MEIS2: variants seen among roughly 807,000 people sequenced by gnomAD.
The protein encoded by MEIS2 is Meis homeobox 2.
In MEIS2, 9 loss-of-function variants were observed where a neutral mutation model predicts 58.6. The observed-to-expected ratio is 0.15, with a 90% CI of 0.09 to 0.27. MEIS2 has a LOEUF of 0.27. Among genes scored for constraint, MEIS2 ranks in the 10% least tolerant of loss-of-function variants. The pLI is 1.00. For synonymous variants in MEIS2, 221 were observed against 228.4 expected (o/e 0.97, Z 0.29); for missense variants, 427 against 635.0 (o/e 0.67, Z 3.52).
intron 8 of MEIS2, among the ~76,000 whole-genome samples, chr15:36,987,392 A>C (rs2060127630): frequency 7.2e-6 from 1 of 138,326 alleles, no homozygotes; most frequent in South Asian, 2.5e-4. Flanking sequence ...TGGGCAACGG[A>C]GCAAGACCCT....
intron 9 of MEIS2, among the ~76,000 whole-genome samples, chr15:36,924,428 G>C (rs1466604013): frequency 6.6e-6 from 1 of 152,138 alleles, no homozygotes; most frequent in East Asian, 1.9e-4. Flanking sequence ...AATTTTGTCA[G>C]AAAAGAAAGC....
At chr15:36,980,388 T>TTATA (rs2059894425) in intron 8 of MEIS2, among the ~76,000 whole-genome samples, 1 of 152,156 alleles carries the variant, frequency 6.6e-6, no homozygotes, top group Non-Finnish European at 1.5e-5. Context: ...TTAATTGGAA[T>TTATA]TATAGTTCCA....
chr15:37,018,039 CA>C (rs2061407586), intron 8 of MEIS2, among the ~76,000 whole-genome samples: 1 of 152,160 alleles, frequency 6.6e-6, no homozygotes, highest in South Asian at 2.1e-4. Context: ...TCCATCCTAA[CA>C]ACCCTAGGAG....
intron 8 of MEIS2, among the ~76,000 whole-genome samples, chr15:36,978,402 G>C (rs1228798632): frequency 2.6e-5 from 4 of 152,218 alleles, no homozygotes; most frequent in Non-Finnish European, 1.5e-5. Flanking sequence ...ATGCAGGCCA[G>C]CCTGGCTCCA....
intron 7 of MEIS2, among the ~76,000 whole-genome samples, chr15:37,073,635 A>G (rs1022009917): frequency 1.3e-5 from 2 of 152,068 alleles, no homozygotes; most frequent in Non-Finnish European, 2.9e-5. Context: ...AAGGACATCC[A>G]TGAGGTAGAG....
At position 36,890,504 on chromosome 15, in the gene MEIS2, A is replaced by T. The variant is rs897110796; in HGVS notation, c.*1669T>A. 6.6e-6 allele frequency: 1 copy of T among 152,174 alleles called. No individual in the cohort carries two copies. The highest frequency in any genetic ancestry group is 2.4e-5 in the African/African-American group (1 of 41,460). The allele number at this position is 152,174 out of a possible 1,614,324, so 9.4% of individuals were successfully genotyped here. A position where few individuals can be genotyped will look rare whatever the true frequency, so the allele number is the denominator to read the frequency against. On this transcript the variant is annotated 3_prime_UTR_variant, in exon 12 of 12. Transcript: ENST00000561208. ...TATAATTTATAAAATATTAATGATTAAGTAATCTTTTAAAGTCAGAATTTC... is the reference window on the plus strand; with the variant it reads ...TATAATTTATAAAATATTAATGATTTAGTAATCTTTTAAAGTCAGAATTTC...
At chr15:36,974,208 T>C (rs1222617137) in intron 8 of MEIS2, among the ~76,000 whole-genome samples, 2 of 152,220 alleles carry the variant, frequency 1.3e-5, no homozygotes, top group Non-Finnish European at 2.9e-5. Flanking sequence ...TCTATAATTT[T>C]GTGTTTTAAA....
At chr15:37,039,895 T>C (rs896078594) in intron 7 of MEIS2, among the ~76,000 whole-genome samples, 3 of 152,178 alleles carry the variant, frequency 2.0e-5, no homozygotes, top group Non-Finnish European at 2.9e-5. Flanking sequence ...TAAATACAAT[T>C]GTTTTTTCCT....
chr15:37,012,682 C>T (rs946956131), intron 8 of MEIS2, among the ~76,000 whole-genome samples: 6 of 152,182 alleles, frequency 3.9e-5, no homozygotes, highest in East Asian at 1.9e-4. Context: ...TACTATATGG[C>T]CATTTTTGCC....
At chr15:36,993,907 G>A (rs2060383916) in intron 8 of MEIS2, among the ~76,000 whole-genome samples, 1 of 152,092 alleles carries the variant, frequency 6.6e-6, no homozygotes, top group Non-Finnish European at 1.5e-5. Context: ...TACAATGATA[G>A]TCTTGTTACC....
At chr15:36,916,582 C>T (rs890331371) in intron 9 of MEIS2, among the ~76,000 whole-genome samples, 3 of 152,000 alleles carry the variant, frequency 2.0e-5, no homozygotes, top group African/African-American at 7.3e-5. Flanking sequence ...CAGGTGTGCA[C>T]CACCACACCT....
intron 8 of MEIS2, among the ~76,000 whole-genome samples, chr15:36,987,211 G>C (rs910985386): frequency 7.9e-5 from 12 of 151,856 alleles, no homozygotes; most frequent in African/African-American, 2.9e-4. Flanking sequence ...AGTTTGAGAT[G>C]AGCCTGGGCA....
At chr15:37,025,111 G>A (rs1261119958) in intron 8 of MEIS2, among the ~76,000 whole-genome samples, 1 of 152,188 alleles carries the variant, frequency 6.6e-6, no homozygotes, top group African/African-American at 2.4e-5. Flanking sequence ...AAAGAAACAA[G>A]TGCAATACTT....
intron 9 of MEIS2, among the ~76,000 whole-genome samples, chr15:36,935,202 T>C (rs1159810958): frequency 6.6e-6 from 1 of 151,582 alleles, no homozygotes; most frequent in East Asian, 1.9e-4. Context: ...TTTTTTTTTT[T>C]TAGCGGAGGA....
chr15:37,023,831 T>C (rs2061604998), intron 8 of MEIS2, among the ~76,000 whole-genome samples: 1 of 151,756 alleles, frequency 6.6e-6, no homozygotes, highest in South Asian at 2.1e-4. Context: ...GCTTTCTTGC[T>C]ATCTTTACAA....
chr15:37,007,958 C>G (rs2060982844), intron 8 of MEIS2, among the ~76,000 whole-genome samples: 1 of 152,162 alleles, frequency 6.6e-6, no homozygotes, highest in African/African-American at 2.4e-5. Context: ...CTAACATTCT[C>G]CTCTTCATGT....
At chr15:37,063,638 C>T (rs559538115) in intron 7 of MEIS2, among the ~76,000 whole-genome samples, 1 of 152,274 alleles carries the variant, frequency 6.6e-6, no homozygotes, top group East Asian at 1.9e-4. Flanking sequence ...TTTGGGTATA[C>T]ATATCATAGG....
chr15:37,090,399 T>A (rs553463017), intron 6 of MEIS2, among the ~76,000 whole-genome samples: 2 of 152,250 alleles, frequency 1.3e-5, no homozygotes, highest in African/African-American at 4.8e-5. Context: ...AATATTATGG[T>A]TGTCTTCTTC....
At position 37,093,738 on chromosome 15, in the gene MEIS2, G is replaced by A. The variant is rs371962553; in HGVS notation, c.490-8C>T. Reference sequence around the variant, plus strand: ...ATCGCACAGTTCGTGGACCTAGAACGAAGGTCATGGTGGAGGGTTTAGCTC... The same window carrying A: ...ATCGCACAGTTCGTGGACCTAGAACAAAGGTCATGGTGGAGGGTTTAGCTC... On this transcript the variant is annotated splice_polypyrimidine_tract_variant and splice_region_variant and intron_variant, in intron 5 of 11. Transcript: ENST00000561208. The A allele has an allele frequency of 6.8e-6, 11 of 1,613,702 alleles. No individual in the cohort carries two copies. The highest frequency in any genetic ancestry group is 8.5e-6 in the Non-Finnish European group (10 of 1,179,744).
Sources: gnomAD v4.1 joint callset for allele counts (sites outside exome capture counted in the v4.1 genomes callset) on GRCh38, gnomAD v4.1.1 for gene constraint, MANE v1.5 for transcripts, NCBI Gene and HGNC (gene_info 2026-07-23, HGNC 2026-07-21) for gene names.